ZNF407: variants seen among roughly 807,000 people sequenced by gnomAD.
ZNF407 encodes zinc finger protein 407.
A neutral mutation model predicts 131.2 loss-of-function variants in ZNF407; 17 were observed. That is an observed-to-expected ratio of 0.13 (90% CI 0.09 to 0.19). The LOEUF is 0.19. Among genes scored for constraint, ZNF407 ranks in the 10% least tolerant of loss-of-function variants. The probability of loss-of-function intolerance (pLI) is 1.00; values close to 1 mark genes in which losing one functional copy is unlikely to be tolerated. For missense variants in ZNF407, 2,681 were observed against 2,830.6 expected (o/e 0.95, Z 1.20); for synonymous variants, 1,156 against 1,062.0 (o/e 1.09, Z -1.72).
rs115476664 is a variant in ZNF407 at position 74,907,950 on chromosome 18, G to T, written c.5250-12564G>T. Among the ~76,000 whole-genome samples the T allele has an allele frequency of 1.8e-3, 266 of 151,982 alleles. 1 individual carries two copies. The highest frequency in any genetic ancestry group is 6.2e-3 in the African/African-American group (256 of 41,454). On this transcript the variant is annotated intron_variant, in intron 7 of 8. Transcript: ENST00000299687. ...AATCTGTCACCTTAAGTTTTAATTCGCATTTACTTAGTTTTTAGAGACCTT... is the reference window on the plus strand; with the variant it reads ...AATCTGTCACCTTAAGTTTTAATTCTCATTTACTTAGTTTTTAGAGACCTT...
intron 4 of ZNF407, among the ~76,000 whole-genome samples, chr18:74,791,163 G>A (rs1568217388): frequency 6.6e-6 from 1 of 152,152 alleles, no homozygotes; most frequent in Non-Finnish European, 1.5e-5. Flanking sequence ...CAAGATGTCT[G>A]ACTGTCATTT....
At chr18:74,755,827 C>G in intron 3 of ZNF407, among the ~76,000 whole-genome samples, 1 of 130,086 alleles carries the variant, frequency 7.7e-6, no homozygotes, top group Admixed American at 8.0e-5. Flanking sequence ...TTCCTCCCTC[C>G]CTCCCTTCCC....
chr18:74,856,998 A>G (rs935221543), intron 4 of ZNF407, among the ~76,000 whole-genome samples: 12 of 152,186 alleles, frequency 7.9e-5, no homozygotes, highest in African/African-American at 2.9e-4. Flanking sequence ...TTCTAATTCA[A>G]AGAAGGCACT....
chr18:74,968,624 A>C (rs1000656211), intron 8 of ZNF407, among the ~76,000 whole-genome samples: 2 of 152,282 alleles, frequency 1.3e-5, no homozygotes, highest in African/African-American at 4.8e-5. Flanking sequence ...TCTGATCTTC[A>C]TATTTTCAGA....
chr18:74,793,416 C>T (rs1568218330), intron 4 of ZNF407, among the ~76,000 whole-genome samples: 2 of 151,730 alleles, frequency 1.3e-5, no homozygotes, highest in Non-Finnish European at 2.9e-5. Context: ...TGATTTCTCC[C>T]ACATTCATAA....
chr18:74,770,490 C>T (rs550293795), intron 3 of ZNF407, among the ~76,000 whole-genome samples: 12 of 151,514 alleles, frequency 7.9e-5, no homozygotes, highest in East Asian at 1.9e-4. Flanking sequence ...TCTTTTCCAA[C>T]GAAAAAAAAC....
intron 7 of ZNF407, among the ~76,000 whole-genome samples, chr18:74,916,704 A>AGTGT (rs1445169620): frequency 7.8e-6 from 1 of 128,156 alleles, no homozygotes; most frequent in African/African-American, 3.2e-5. Context: ...TCGAATCGGG[A>AGTGT]GTGTGTGTGT....
intron 3 of ZNF407, among the ~76,000 whole-genome samples, chr18:74,724,541 T>A (rs77948441): frequency 2.6e-5 from 4 of 152,146 alleles, no homozygotes; most frequent in East Asian, 1.9e-4. Context: ...AACTTTTTTT[T>A]AAGATTTCTC....
At chr18:74,849,193 C>A (rs955135731) in intron 4 of ZNF407, among the ~76,000 whole-genome samples, 3 of 151,800 alleles carry the variant, frequency 2.0e-5, no homozygotes, top group African/African-American at 7.3e-5. Context: ...ATTCTCCTGC[C>A]TCAGCCTCCC....
intron 3 of ZNF407, among the ~76,000 whole-genome samples, chr18:74,684,292 G>C (rs977636836): frequency 6.6e-6 from 1 of 151,836 alleles, no homozygotes; most frequent in Non-Finnish European, 1.5e-5. Context: ...GTATATATTT[G>C]TGTAATTTGT....
At chr18:74,674,661 T>TTTGTCAGAAAAGTTTACTAATCC (rs1345837673) in intron 3 of ZNF407, among the ~76,000 whole-genome samples, 10 of 152,210 alleles carry the variant, frequency 6.6e-5, no homozygotes, top group Non-Finnish European at 1.3e-4. Flanking sequence ...AGGGCTTGGC[T>TTTGTCAGAAAAGTTTACTAATCC]CTGGGATCCA....
chr18:74,734,572 G>A (rs532036926), intron 3 of ZNF407, among the ~76,000 whole-genome samples: 1 of 152,100 alleles, frequency 6.6e-6, no homozygotes, highest in African/African-American at 2.4e-5. Context: ...CCTTTAAGGA[G>A]GATAGTTTCA....
rs1343591249 is a variant in ZNF407, at chr18:74,865,946, A to G, written c.4878-11251A>G. Among the ~76,000 whole-genome samples, 4 of 152,238 alleles carry G rather than the reference A, an allele frequency of 2.6e-5. No homozygotes were observed. In the East Asian group the frequency reaches 7.7e-4, roughly 29 times the overall value. On this transcript the variant is annotated intron_variant, in intron 4 of 8. Transcript: ENST00000299687. ...CTTAGTGGAGGCATGTGTCAGAAAC[A>G]GTGAAAAACTTGATAGTATTTTATT...
At chr18:74,988,850 G>A (rs1417398534) in intron 8 of ZNF407, among the ~76,000 whole-genome samples, 1 of 152,126 alleles carries the variant, frequency 6.6e-6, no homozygotes, top group Non-Finnish European at 1.5e-5. Flanking sequence ...TAGTCATCTA[G>A]AATTTTCAGA....
At chr18:74,614,861 G>A (rs1374249117) in intron 1 of ZNF407, among the ~76,000 whole-genome samples, 1 of 152,174 alleles carries the variant, frequency 6.6e-6, no homozygotes, top group Non-Finnish European at 1.5e-5. Context: ...TTCATGAATG[G>A]CAGAATGACA....
intron 3 of ZNF407, among the ~76,000 whole-genome samples, chr18:74,652,061 G>C (rs1291849345): frequency 6.6e-6 from 1 of 152,084 alleles, no homozygotes; most frequent in African/African-American, 2.4e-5. Context: ...GTTTGCTCAA[G>C]AATTTGATAT....
chr18:74,861,823 T>G (rs1304344696), intron 4 of ZNF407, among the ~76,000 whole-genome samples: 1 of 152,236 alleles, frequency 6.6e-6, no homozygotes, highest in East Asian at 1.9e-4. Flanking sequence ...TTCCTTACTG[T>G]AAATGGTAAT....
chr18:75,046,299 G>A lies in ZNF407; in HGVS notation c.5429-16851G>A, dbSNP rs146635083. Among the ~76,000 whole-genome samples, 414 of 152,216 alleles carry A rather than the reference G, an allele frequency of 2.7e-3. 5 individuals are homozygous for A. The highest frequency in any genetic ancestry group is 9.0e-3 in the African/African-American group (372 of 41,526). ...TGATCAGAGCCGGGCTGCCCAGCCC[G>A]TCTCTAAAGAGTATCAGCATGGCTG... On this transcript the variant is annotated intron_variant, in intron 8 of 8. Coordinates refer to ENST00000299687, the MANE Select transcript of ZNF407 (RefSeq NM_017757.3).
intron 3 of ZNF407, among the ~76,000 whole-genome samples, chr18:74,704,151 A>C (rs941081247): frequency 1.3e-5 from 2 of 152,110 alleles, no homozygotes; most frequent in Non-Finnish European, 2.9e-5. Flanking sequence ...TTCTGTCAGC[A>C]CTTCTGATTT....
Sources: allele counts gnomAD v4.1 joint callset (sites outside exome capture counted in the v4.1 genomes callset), GRCh38; gene constraint gnomAD v4.1.1; transcripts MANE v1.5; gene names NCBI Gene and HGNC (gene_info 2026-07-23, HGNC 2026-07-21).